RP1L1: variants seen among roughly 807,000 people sequenced by gnomAD.
RP1L1 encodes RP1 like 1.
RP1L1 carries 27 observed loss-of-function variants against 15.7 expected under a neutral mutation model. That is an observed-to-expected ratio of 1.72 (90% CI 1.27 to 2.38). The LOEUF is 2.38. Ranked by LOEUF, RP1L1 falls within the 30% of genes most tolerant of loss-of-function variation. The pLI, the probability that RP1L1 is intolerant of heterozygous loss-of-function variation, is 0.00. For synonymous variants in RP1L1, 1,813 were observed against 1,276.7 expected, an observed-to-expected ratio of 1.42 and a Z score of -8.96; for missense variants, 4,798 against 3,075.9, an observed-to-expected ratio of 1.56 and a Z score of -13.24.
intron 2 of RP1L1, among the ~76,000 whole-genome samples, chr8:10,618,435 A>C (rs2117216862): frequency 6.6e-6 from 1 of 152,288 alleles, no homozygotes; most frequent in Admixed American, 6.5e-5. Context: ...TCAACCCTGG[A>C]AGCGGAGGAT....
chr8:10,623,496 TCACCATGTCCCCAGAAC>T (rs71203343), intron 1 of RP1L1, among the ~76,000 whole-genome samples: 90,349 of 150,646 alleles, frequency 0.6, 27,592 homozygotes, highest in Middle Eastern at 0.77. Flanking sequence ...GCCTTCAGAG[TCACCATGTCCCCAGAAC>T]CACCATGAAA....
Position 10,611,538 on chromosome 8 carries a change from G to A in RP1L1, c.2560C>T (p.Pro854Ser), listed in dbSNP as rs760847482. ...EASWLCGRYC[P>S]TPPRGRPCPQ... is the part of the protein sequence containing the mutation. ...CAGGGCCGCCCCCTGGGCGGGGTGG[G>A]ACAGTACCTGCCACACAGCCAGCTA... The change falls in exon 4 of 4, where the codon CCC becomes TCC. Residue 854 changes from proline to serine, a missense_variant. By Grantham distance (74) the Pro-to-Ser change is moderately conservative. Transcript: ENST00000382483. The A allele has an allele frequency of 1.9e-6, 3 of 1,592,478 alleles. No homozygotes were observed. The highest frequency in any genetic ancestry group is 1.8e-5 in the Admixed American group (1 of 56,354).
intron 1 of RP1L1, among the ~76,000 whole-genome samples, chr8:10,626,823 C>T (rs1798166183): frequency 6.6e-6 from 1 of 152,148 alleles, no homozygotes. Context: ...AGCACGTCAT[C>T]AAGTGTGATT....
chr8:10,612,775 C>T lies in RP1L1; in HGVS notation c.1323G>A (p.Gly441=), dbSNP rs746323184. Residue 441 remains glycine (G), a synonymous_variant, in exon 4 of 4, where the codon GGG becomes GGA. Coordinates refer to ENST00000382483, the MANE Select transcript of RP1L1 (RefSeq NM_178857.6). ...HVRCSGLWGH[G]TAGRERCSQD... ...GGCTGCATCTCTCCCTCCCGGCAGT[C>T]CCGTGGCCCCACAGGCCACTGCAGC... 1 of 1,609,902 alleles carries T rather than the reference C, an allele frequency of 6.2e-7. No homozygotes were observed. The highest frequency in any genetic ancestry group is 2.2e-5 in the East Asian group (1 of 44,872).
chr8:10,614,717 G>GA (rs200787092), intron 3 of RP1L1, among the ~76,000 whole-genome samples: 31 of 131,810 alleles, frequency 2.4e-4, no homozygotes, highest in Middle Eastern at 3.8e-3. Flanking sequence ...AGGAAGGAAG[G>GA]AAAAAAAAAA....
In RP1L1 at chr8:10,607,863, G is replaced by A. The variant is rs765599895; in HGVS notation, c.6235C>T (p.His2079Tyr). The A allele has an allele frequency of 6.9e-6, 11 of 1,584,122 alleles. No homozygotes were observed. The East Asian group carries it at 2.6e-4, about 38-fold the overall frequency. Reference sequence around the variant, plus strand: ...GCATCTACATCTTCTGACTCTGGGTGGGCCTCCCCTTCTGCCTCCTGGACC... The same window carrying A: ...GCATCTACATCTTCTGACTCTGGGTAGGCCTCCCCTTCTGCCTCCTGGACC... ...GEVQEAEGEA[H>Y]PESEDVDAQE... Residue 2079 changes from histidine to tyrosine, a missense_variant, in exon 4 of 4, where the codon CAC (histidine) becomes TAC (tyrosine). Coordinates refer to ENST00000382483, the MANE Select transcript of RP1L1 (RefSeq NM_178857.6).
chr8:10,632,841 C>T (rs546169797), intron 1 of RP1L1, among the ~76,000 whole-genome samples: 1 of 152,190 alleles, frequency 6.6e-6, no homozygotes, highest in Non-Finnish European at 1.5e-5. Context: ...CCCTTGATGG[C>T]TCTGACACAA....
Position 10,608,301 on chromosome 8 carries a change from G to T in RP1L1, c.5797C>A (p.Pro1933Thr), listed in dbSNP as rs758829200. 1 of 1,607,542 alleles carries T rather than the reference G, an allele frequency of 6.2e-7. No individual in the cohort carries two copies. The highest frequency in any genetic ancestry group is 8.5e-7 in the Non-Finnish European group (1 of 1,178,640). Residue 1933 changes from proline to threonine, a missense_variant, in exon 4 of 4, where the codon CCA becomes ACA. Transcript: ENST00000382483. ...TGGGCCTCTGCACCTTCTGACTCTG[G>T]CTCGTCCTCCCCTTCAGTCTCCAGG... ...EALETEGEDEPESEGAEAQEA... is the reference protein window; with the variant it reads ...EALETEGEDETESEGAEAQEA...
chr8:10,642,397 C>T (rs1798419785), intron 1 of RP1L1, among the ~76,000 whole-genome samples: 1 of 152,198 alleles, frequency 6.6e-6, no homozygotes, highest in Admixed American at 6.5e-5. Flanking sequence ...TAGGAAACCT[C>T]TTGAAAGGTT....
chr8:10,633,304 C>T (rs897425904), intron 1 of RP1L1, among the ~76,000 whole-genome samples: 4 of 152,168 alleles, frequency 2.6e-5, no homozygotes, highest in African/African-American at 9.7e-5. Flanking sequence ...CACTAGTGCC[C>T]CCATTGACCA....
intron 1 of RP1L1, 84 bp from the exon 2 acceptor site, chr8:10,623,304 T>C (rs1798102711): frequency 1.6e-5 from 17 of 1,034,156 alleles, no homozygotes; most frequent in Non-Finnish European, 2.3e-5. Flanking sequence ...CTAGAGGTGC[T>C]TCCTGCCCAC....
intron 2 of RP1L1, among the ~76,000 whole-genome samples, chr8:10,617,000 A>C (rs1348164597): frequency 6.6e-6 from 1 of 151,944 alleles, no homozygotes; most frequent in Non-Finnish European, 1.5e-5. Context: ...TCTTTTCCCA[A>C]ATGAAGGAGA....
At chr8:10,633,779 G>A (rs892230861) in intron 1 of RP1L1, among the ~76,000 whole-genome samples, 1 of 152,202 alleles carries the variant, frequency 6.6e-6, no homozygotes, top group African/African-American at 2.4e-5. Context: ...TTCATGGCAA[G>A]GCATATTCTA....
chr8:10,619,552 G>A (rs1030175308), intron 2 of RP1L1, among the ~76,000 whole-genome samples: 8 of 152,086 alleles, frequency 5.3e-5, no homozygotes, highest in Non-Finnish European at 7.4e-5. Flanking sequence ...ATCTTTTCCA[G>A]GAACCCAGCC....
rs186517479 is a variant in RP1L1 at position 10,610,319 on chromosome 8, G to T, written c.3779C>A (p.Thr1260Asn). 255 of 1,614,218 alleles carry T rather than the reference G, an allele frequency of 1.6e-4. 1 individual carries two copies. The African/African-American group carries it at 2.6e-3, about 17-fold the overall frequency. ...AGCGCAGGCTCGGGCGTTCAAGAAG[G>T]TTGGGAAACAACACTGCTGTTGGTT... ...LENQQQCCFPTFLNARACACA... is the reference protein window; with the variant it reads ...LENQQQCCFPNFLNARACACA... The change falls in exon 4 of 4, where the codon ACC (threonine) becomes AAC (asparagine). Residue 1260 changes from threonine (T) to asparagine (N), a missense_variant. By Grantham distance (65) the Thr-to-Asn change is moderately conservative (BLOSUM62 0). Transcript: ENST00000382483.
chr8:10,618,328 C>A (rs1798003884), intron 2 of RP1L1, among the ~76,000 whole-genome samples: 2 of 151,910 alleles, frequency 1.3e-5, no homozygotes, highest in Admixed American at 6.5e-5. Flanking sequence ...GGTGAAACCC[C>A]ATCTCTACTA....
chr8:10,637,517 G>A (rs11250053), intron 1 of RP1L1, among the ~76,000 whole-genome samples: 40,234 of 151,956 alleles, frequency 0.26, 5,661 homozygotes, highest in African/African-American at 0.32. Flanking sequence ...AGGCTGAGGC[G>A]GGAGGATCAC....
At position 10,607,146 on chromosome 8, in the gene RP1L1, G is replaced by C. The variant is rs1199419160; in HGVS notation, c.6952C>G (p.His2318Asp). The change falls in exon 4 of 4, where the codon CAT becomes GAT. Residue 2318 changes from histidine (H) to aspartate (D), a missense_variant. His to Asp is a moderately conservative substitution (Grantham distance 81). Transcript: ENST00000382483. ...NCWQKDSENDHVLGDTRSPDA... is the reference protein window; with the variant it reads ...NCWQKDSENDDVLGDTRSPDA... The stretch of plus-strand genomic sequence containing the variant: ...GGGCTCCTTGTGTCTCCAAGTACAT[G>C]GTCATTTTCTGAGTCTTTCTGCCAG... 7.4e-6 allele frequency: 12 copies of C among 1,614,086 alleles called. No homozygotes were observed. The highest frequency in any genetic ancestry group is 1.0e-5 in the Non-Finnish European group (12 of 1,180,050).
rs763914928 is a variant in RP1L1, at chr8:10,616,483, A to T, written c.714T>A (p.Ala238=). The change falls in exon 3 of 4, where the codon GCT becomes GCA. Residue 238 remains alanine (A), a synonymous_variant. Transcript: ENST00000382483. ...TTGAAGTCAGCCCAGATAAAGTTTC[A>T]GCCTCGCTTCTCCTGGCATTTTTCA... ...PAMKNARRSE[A]ETLSGLTSRN... 1.2e-6 allele frequency: 2 copies of T among 1,614,236 alleles called. No individual in the cohort carries two copies. Among genetic ancestry groups the T allele is most frequent in the Admixed American group, 1.7e-5 (1 of 60,026 alleles).
Sources: allele counts gnomAD v4.1 joint callset (sites outside exome capture counted in the v4.1 genomes callset), GRCh38; gene constraint gnomAD v4.1.1; transcripts MANE v1.5; gene names NCBI Gene and HGNC (gene_info 2026-07-23, HGNC 2026-07-21).